Variants in SLC14A2 observed in about 807,000 individuals in gnomAD.
The protein encoded by SLC14A2 is urea transporter 2.
SLC14A2 carries 91 observed loss-of-function variants against 104.6 expected under a neutral mutation model. The ratio of observed to expected loss-of-function variants is 0.87; its 90% CI spans 0.73 to 1.04. The LOEUF (loss-of-function observed/expected upper bound fraction) is 1.04. Among genes scored for constraint, SLC14A2 ranks in the 50% least tolerant of loss-of-function variants. The pLI, the probability that SLC14A2 is intolerant of heterozygous loss-of-function variation, is 0.00. For synonymous variants in SLC14A2, 476 were observed against 466.4 expected (o/e 1.02, Z -0.27); for missense variants, 1,189 against 1,156.0 (o/e 1.03, Z -0.41).
intron 1 of SLC14A2, among the ~76,000 whole-genome samples, chr18:45,302,035 A>G (rs1397748034): frequency 6.6e-6 from 1 of 152,164 alleles, no homozygotes; most frequent in Non-Finnish European, 1.5e-5. Flanking sequence ...AGGTCTTGCA[A>G]GGCCACCTTG....
intron 2 of SLC14A2, among the ~76,000 whole-genome samples, chr18:45,491,782 C>A (rs1304297526): frequency 1.3e-5 from 2 of 152,116 alleles, no homozygotes; most frequent in Non-Finnish European, 2.9e-5. Context: ...CACACACACA[C>A]CAAGATAGTT....
the SLC14A2 span, among the ~76,000 whole-genome samples, chr18:45,196,644 C>T: frequency 6.6e-6 from 1 of 152,054 alleles, no homozygotes; most frequent in East Asian, 1.9e-4. Context: ...TGCTCTGTGC[C>T]CCAACTCAAC....
intron 1 of SLC14A2, among the ~76,000 whole-genome samples, chr18:45,348,670 G>T (rs754912100): frequency 9.9e-5 from 15 of 152,154 alleles, no homozygotes; most frequent in Non-Finnish European, 1.9e-4. Context: ...CTATAATTCT[G>T]TACGTGCCAT....
rs1342728041 is a variant in SLC14A2, at chr18:45,401,653, A to G, written c.-124-81580A>G. On this transcript the variant is annotated intron_variant, in intron 1 of 20. Coordinates refer to the SLC14A2 transcript ENST00000586448. ...GCCTAATCTATCTTACGTTTTTCAA[A>G]TATTGCACTATTTACTAAATGGAGA... 4.6e-5 allele frequency among the ~76,000 whole-genome samples: 7 copies of G among 152,226 alleles called. No homozygotes were observed. The East Asian group carries it at 1.3e-3, about 29-fold the overall frequency.
intron 1 of SLC14A2, among the ~76,000 whole-genome samples, chr18:45,433,703 G>C (rs2216416): frequency 0.52 from 79,522 of 152,050 alleles, 20,999 homozygotes; most frequent in Admixed American, 0.65. Context: ...TGACATTTAA[G>C]TTAATTGGAT....
intron 1 of SLC14A2, among the ~76,000 whole-genome samples, chr18:45,306,683 C>T (rs978040540): frequency 2.6e-5 from 4 of 152,140 alleles, no homozygotes; most frequent in Admixed American, 6.5e-5. Context: ...AGTCCAGAGC[C>T]GAGGTCAGTA....
At chr18:45,181,922 T>TA in the SLC14A2 span, among the ~76,000 whole-genome samples, 2 of 152,158 alleles carry the variant, frequency 1.3e-5, no homozygotes, top group Non-Finnish European at 2.9e-5. Context: ...CATTTCTCTT[T>TA]AAAAACTTGG....
At chr18:45,673,160 C>T in intron 17 of SLC14A2, 113 bp downstream of exon 17, 2 of 1,050,184 alleles carry the variant, frequency 1.9e-6, no homozygotes, top group Admixed American at 4.3e-5. Context: ...GTGAACTTTC[C>T]CTCCTTCTGT....
intron 1 of SLC14A2, among the ~76,000 whole-genome samples, chr18:45,441,383 C>G (rs1287730131): frequency 6.6e-6 from 1 of 152,156 alleles, no homozygotes; most frequent in Non-Finnish European, 1.5e-5. Context: ...CCCTCACACT[C>G]CCCTTTTCTC....
chr18:45,290,891 A>G (rs957315608), intron 1 of SLC14A2, among the ~76,000 whole-genome samples: 1 of 152,190 alleles, frequency 6.6e-6, no homozygotes, highest in Non-Finnish European at 1.5e-5. Context: ...CAACTTCTCT[A>G]ATTTGGAAAA....
At chr18:45,426,696 CAT>C (rs1428094290) in intron 1 of SLC14A2, among the ~76,000 whole-genome samples, 175 of 81,084 alleles carry the variant, frequency 2.2e-3, no homozygotes, top group Non-Finnish European at 2.7e-3. Flanking sequence ...TATATACATA[CAT>C]ACACACACAC....
intron 1 of SLC14A2, among the ~76,000 whole-genome samples, chr18:45,443,164 A>G (rs1261480857): frequency 6.6e-6 from 1 of 152,214 alleles, no homozygotes. Context: ...GGGGAAGGTG[A>G]AGGTTTACAT....
At chr18:45,494,659 T>A (rs1244339268) in intron 2 of SLC14A2, among the ~76,000 whole-genome samples, 1 of 151,950 alleles carries the variant, frequency 6.6e-6, no homozygotes, top group African/African-American at 2.4e-5. Flanking sequence ...TGCCTCAGTC[T>A]CCCAAAGCGC....
intron 2 of SLC14A2, among the ~76,000 whole-genome samples, chr18:45,563,152 C>T (rs1398223566): frequency 6.6e-6 from 1 of 152,136 alleles, no homozygotes; most frequent in Non-Finnish European, 1.5e-5. Flanking sequence ...AAAGTTTTGC[C>T]CCTTGTAGAA....
intron 1 of SLC14A2, among the ~76,000 whole-genome samples, chr18:45,459,674 C>T (rs781372891): frequency 2.0e-5 from 3 of 152,196 alleles, no homozygotes; most frequent in Non-Finnish European, 2.9e-5. Flanking sequence ...CACACAGAAT[C>T]GGGACATCTC....
intron 2 of SLC14A2, among the ~76,000 whole-genome samples, chr18:45,555,602 C>T (rs1375687494): frequency 6.6e-6 from 1 of 152,184 alleles, no homozygotes; most frequent in Non-Finnish European, 1.5e-5. Context: ...GGACACTTCC[C>T]ATCCCACCAG....
chr18:45,208,426 AGT>A (rs2083933422), upstream of SLC14A2, among the ~76,000 whole-genome samples: 1 of 152,170 alleles, frequency 6.6e-6, no homozygotes. Flanking sequence ...CAAGCTTATG[AGT>A]TAACGCAGGT....
rs148030058 is a variant in SLC14A2, at chr18:45,419,627, A to T, written c.-124-63606A>T. Among the ~76,000 whole-genome samples, 418 of 152,266 alleles carry T rather than the reference A, an allele frequency of 2.7e-3. 2 individuals carry two copies. Among genetic ancestry groups the T allele is most frequent in the African/African-American group, 9.3e-3 (387 of 41,552 alleles). Reference sequence around the variant, plus strand: ...CACCTGTACTAAAAATACAAAAATTAGTCAGGTGTGGTGGCGCACGCCTGT... The same window carrying T: ...CACCTGTACTAAAAATACAAAAATTTGTCAGGTGTGGTGGCGCACGCCTGT... On this transcript the variant is annotated intron_variant, in intron 1 of 20. Transcript: ENST00000586448.
chr18:45,524,729 G>A (rs2144816892), intron 2 of SLC14A2, among the ~76,000 whole-genome samples: 1 of 152,292 alleles, frequency 6.6e-6, no homozygotes, highest in East Asian at 1.9e-4. Flanking sequence ...AAAACACACA[G>A]GTGTAGACCT....
Sources: allele counts gnomAD v4.1 joint callset (sites outside exome capture counted in the v4.1 genomes callset), GRCh38; gene constraint gnomAD v4.1.1; transcripts MANE v1.5; gene names NCBI Gene and HGNC (gene_info 2026-07-23, HGNC 2026-07-21).